Variants in MEIOB observed in about 807,000 individuals in gnomAD.
MEIOB encodes meiosis-specific with OB domain-containing protein.
MEIOB carries 50 observed loss-of-function variants against 53.1 expected under a neutral mutation model. The ratio of observed to expected loss-of-function variants is 0.94; its 90% confidence interval spans 0.75 to 1.19. The LOEUF (loss-of-function observed/expected upper bound fraction) is 1.19. Ranked by LOEUF, MEIOB falls within the 50% of genes most tolerant of loss-of-function variation. MEIOB has a pLI of 0.00. For synonymous variants in MEIOB, 192 were observed against 182.5 expected (o/e 1.05, Z -0.42); for missense variants, 551 against 550.8 (o/e 1.00, Z 0.00).
At chr16:1,841,311 C>A (rs1898905270) in intron 11 of MEIOB, among the ~76,000 whole-genome samples, 2 of 152,160 alleles carry the variant, frequency 1.3e-5, no homozygotes, top group African/African-American at 4.8e-5. Context: ...AGCCACCGTG[C>A]CCGGCCTGCA....
Position 1,860,413 on chromosome 16 carries a change from C to A in MEIOB, c.322G>T (p.Ala108Ser), listed in dbSNP as rs1899413117. 6.5e-7 allele frequency: 1 copy of A among 1,538,828 alleles called. No individual in the cohort carries two copies. Among genetic ancestry groups the A allele is most frequent in the Admixed American group, 2.0e-5 (1 of 50,946 alleles). Residue 108 changes from alanine (A) to serine (S), a missense_variant, in exon 5 of 14, where the codon GCA (alanine) becomes TCA (serine). Transcript: ENST00000325962. ...TAGACAGATGCTTACCTAGGAGTTGCAGGGCTGAATTTTTCTTCTCTTTCT... is the reference window on the plus strand; with the variant it reads ...TAGACAGATGCTTACCTAGGAGTTGAAGGGCTGAATTTTTCTTCTCTTTCT... ...EIEREEKFSP[A>S]TPSNCKLLLS...
chr16:1,841,790 G>A, intron 11 of MEIOB, 30 bp downstream of exon 11: 3 of 1,448,704 alleles, frequency 2.1e-6, no homozygotes, highest in Non-Finnish European at 2.8e-6. Context: ...TTACAAAAAT[G>A]AATTTGCTAA....
intron 10 of MEIOB, among the ~76,000 whole-genome samples, chr16:1,843,881 T>C (rs3848350): frequency 0.13 from 19,632 of 152,088 alleles, 1,264 homozygotes; most frequent in East Asian, 0.16. Context: ...TTACTTGGGT[T>C]AGAAAACTTT....
At chr16:1,844,654 G>A (rs926030739) in intron 10 of MEIOB, among the ~76,000 whole-genome samples, 1 of 147,452 alleles carries the variant, frequency 6.8e-6, no homozygotes, top group East Asian at 2.1e-4. Context: ...TAGAGACGGC[G>A]TTTTGCCATG....
At chr16:1,842,421 C>T (rs1257619372) in intron 10 of MEIOB, among the ~76,000 whole-genome samples, 1 of 148,396 alleles carries the variant, frequency 6.7e-6, no homozygotes, top group African/African-American at 2.5e-5. Context: ...TCGAGAGCAG[C>T]CTGACCAACA....
chr16:1,857,152 G>A (rs867197158), intron 6 of MEIOB, among the ~76,000 whole-genome samples: 12 of 152,174 alleles, frequency 7.9e-5, no homozygotes, highest in African/African-American at 2.9e-4. Flanking sequence ...CAACTACAGA[G>A]CTCAGAACTT....
chr16:1,834,500 A>T lies in MEIOB; in HGVS notation c.1306-134T>A, dbSNP rs171162. On this transcript the variant is annotated intron_variant, in intron 13 of 13. Coordinates refer to ENST00000325962, the MANE Select transcript of MEIOB (RefSeq NM_001163560.3). The stretch of plus-strand genomic sequence containing the variant: ...TTTACAGATACTAATATAAACTTCC[A>T]TTAGAGCTGTAAGATGATGGGAAGA... 82,614 of 548,822 alleles carry T rather than the reference A, an allele frequency of 0.15. 6,718 individuals carry two copies. Among genetic ancestry groups the T allele is most frequent in the African/African-American group, 0.21 (10,733 of 51,790 alleles). 34.0% of individuals were successfully genotyped at this position (548,822 alleles called of 1,614,324 possible).
At chr16:1,848,062 C>T (rs1333685382) in intron 9 of MEIOB, among the ~76,000 whole-genome samples, 1 of 152,120 alleles carries the variant, frequency 6.6e-6, no homozygotes. Flanking sequence ...GTCCTCCTAT[C>T]TCAGCCTCCT....
chr16:1,861,920 T>C lies in MEIOB; in HGVS notation c.259+65A>G, dbSNP rs1297999198. ...CTCATTTCAACTCCTTCAGTATAGT[T>C]ACCATAAACATACCACAGGAATAAC... On this transcript the variant is annotated intron_variant, in intron 4 of 13. Transcript: ENST00000325962. 6 of 1,438,940 alleles carry C rather than the reference T, an allele frequency of 4.2e-6. No homozygotes were observed. The Middle Eastern group carries it at 5.3e-4, about 127-fold the overall frequency. 89.1% of individuals were successfully genotyped at this position (1,438,940 alleles called of 1,614,324 possible).
Position 1,840,547 on chromosome 16 carries a change from A to T in MEIOB, c.1035-1109T>A, listed in dbSNP as rs868658812. ...GCCACAAGGGATCTCTCTTATTATT[A>T]TTTTTTTTTTTTTTGAGACACAGTC... On this transcript the variant is annotated intron_variant, in intron 11 of 13. Coordinates refer to ENST00000325962, the MANE Select transcript of MEIOB (RefSeq NM_001163560.3). 9.8e-3 allele frequency among the ~76,000 whole-genome samples: 1,417 copies of T among 144,086 alleles called. 20 individuals carry two copies. Among genetic ancestry groups the T allele is most frequent in the African/African-American group, 0.034 (1,322 of 38,410 alleles). 94.5% of individuals were successfully genotyped at this position (144,086 alleles called of 152,430 possible). A position where few individuals can be genotyped will look rare whatever the true frequency, so the allele number is the denominator to read the frequency against.
intron 6 of MEIOB, among the ~76,000 whole-genome samples, chr16:1,857,201 G>T (rs1485999726): frequency 2.0e-5 from 3 of 152,154 alleles, no homozygotes; most frequent in Admixed American, 6.5e-5. Flanking sequence ...CACCAGAAGG[G>T]AACACCCCCC....
At chr16:1,865,657 C>T in intron 3 of MEIOB, 121 bp downstream of exon 3, 3 of 678,134 alleles carry the variant, frequency 4.4e-6, no homozygotes, top group Non-Finnish European at 7.4e-6. Flanking sequence ...CAATAGAGAG[C>T]ATGACCATTG....
chr16:1,843,906 C>G (rs906022801), intron 10 of MEIOB, among the ~76,000 whole-genome samples: 1 of 151,914 alleles, frequency 6.6e-6, no homozygotes, highest in African/African-American at 2.4e-5. Flanking sequence ...AGAACTTATC[C>G]GGTTCCTTCA....
chr16:1,839,256 G>T lies in MEIOB; in HGVS notation c.1217C>A (p.Thr406Lys). 1 of 1,586,090 alleles carries T rather than the reference G, an allele frequency of 6.3e-7. No individual in the cohort carries two copies. Residue 406 changes from threonine to lysine, a missense_variant and splice_region_variant, in exon 12 of 14, where the codon ACG becomes AAG. Transcript: ENST00000325962. ...CATTTCTTCCTTTTTGCTATTTACCGTGCAGCCCAAAGTCTCCTCAGCAAC... is the reference window on the plus strand; with the variant it reads ...CATTTCTTCCTTTTTGCTATTTACCTTGCAGCCCAAAGTCTCCTCAGCAAC... Reference protein sequence around the residue: ...GSVAEETLGCTVHEFLAMTDE... With the variant: ...GSVAEETLGCKVHEFLAMTDE...
At chr16:1,871,520 T>A (rs1161409055) in intron 1 of MEIOB, among the ~76,000 whole-genome samples, 3 of 12,892 alleles carry the variant, frequency 2.3e-4, no homozygotes, top group Admixed American at 1.3e-3. Context: ...CGCCCGGCCC[T>A]TTTTTTTTTT....
intron 13 of MEIOB, among the ~76,000 whole-genome samples, chr16:1,837,299 T>A (rs1898775284): frequency 6.6e-6 from 1 of 150,808 alleles, no homozygotes. Flanking sequence ...TTAATTGTGC[T>A]ATCTTACACT....
At position 1,863,354 on chromosome 16, in the gene MEIOB, G is replaced by GTATT. The variant is rs61075179; in HGVS notation, c.128-1239_128-1238insAATA. On this transcript the variant is annotated intron_variant, in intron 3 of 13. Transcript: ENST00000325962. ...ACACCACCATGCCAGGCTAATTTTT[G>GTATT]TTTTTTGTTTTTTTTTTAGTAAAAA... 8.2e-4 allele frequency among the ~76,000 whole-genome samples: 120 copies of GTATT among 146,596 alleles called. 2 individuals carry two copies. The highest frequency in any genetic ancestry group is 2.5e-3 in the African/African-American group (99 of 39,550).
chr16:1,835,964 ATTCTACT>A (rs981832026), intron 13 of MEIOB, among the ~76,000 whole-genome samples: 8 of 151,688 alleles, frequency 5.3e-5, no homozygotes, highest in Non-Finnish European at 8.8e-5. Context: ...GGTTCAAGCA[ATTCTACT>A]GCCTCAGCCT....
chr16:1,837,016 G>A (rs1898766703), intron 13 of MEIOB, among the ~76,000 whole-genome samples: 1 of 152,228 alleles, frequency 6.6e-6, no homozygotes, highest in South Asian at 2.1e-4. Flanking sequence ...GTGACCCAGT[G>A]CAAGTGGCAA....
Sources: gnomAD v4.1 joint callset for allele counts (sites outside exome capture counted in the v4.1 genomes callset) on GRCh38, gnomAD v4.1.1 for gene constraint, MANE v1.5 for transcripts, NCBI Gene and HGNC (gene_info 2026-07-23, HGNC 2026-07-21) for gene names.